Variants in CLIC4 observed in about 807,000 individuals in gnomAD.
CLIC4 encodes the protein chloride intracellular channel protein 4.
In CLIC4, 13 loss-of-function variants were observed where a neutral mutation model predicts 24.6. That is an observed-to-expected ratio of 0.53 (90% CI 0.34 to 0.84). The LOEUF (loss-of-function observed/expected upper bound fraction) is 0.84, where lower values mean the gene tolerates loss of function less well. CLIC4 is among the 40% of genes least tolerant of loss of function. CLIC4 has a pLI of 0.01. For missense variants in CLIC4, 227 were observed against 301.7 expected, an observed-to-expected ratio of 0.75 and a Z score of 1.83; for synonymous variants, 104 against 111.3, an observed-to-expected ratio of 0.93 and a Z score of 0.41.
rs531920441 is a variant in CLIC4, at chr1:24,814,519, A to C, written c.308+300A>C. On this transcript the variant is annotated intron_variant, in intron 3 of 5. Coordinates refer to ENST00000374379, the MANE Select transcript of CLIC4 (RefSeq NM_013943.3). ...ACTGTAGGTCTCAAACTGAGAGAGA[A>C]GTTTAAAGAGGAGAAGGGGTGGGGA... 3.7e-4 allele frequency among the ~76,000 whole-genome samples: 57 copies of C among 152,312 alleles called. No individual in the cohort carries two copies. In the East Asian group the frequency reaches 0.01, roughly 27 times the overall value.
chr1:24,763,839 C>G, intron 1 of CLIC4, among the ~76,000 whole-genome samples: 1 of 152,208 alleles, frequency 6.6e-6, no homozygotes, highest in South Asian at 2.1e-4. Flanking sequence ...TATGACTCTT[C>G]GGTTATCTAT....
intron 1 of CLIC4, among the ~76,000 whole-genome samples, chr1:24,779,340 C>T (rs901776054): frequency 6.6e-6 from 1 of 152,018 alleles, no homozygotes; most frequent in Non-Finnish European, 1.5e-5. Context: ...CATGGTGGTA[C>T]GTGCCTATAG....
At chr1:24,748,503 T>TTTG (rs1553188251) in intron 1 of CLIC4, among the ~76,000 whole-genome samples, 2 of 139,672 alleles carry the variant, frequency 1.4e-5, no homozygotes, top group Non-Finnish European at 3.2e-5. Context: ...TTTTTTGTTT[T>TTTG]TTTTTTTTTT....
intron 1 of CLIC4, among the ~76,000 whole-genome samples, chr1:24,756,282 A>T (rs1273256219): frequency 6.6e-6 from 1 of 152,164 alleles, no homozygotes; most frequent in Non-Finnish European, 1.5e-5. Flanking sequence ...TACAGGCGTG[A>T]GCCACCGCGC....
At chr1:24,771,449 T>C (rs1025339596) in intron 1 of CLIC4, among the ~76,000 whole-genome samples, 1 of 152,170 alleles carries the variant, frequency 6.6e-6, no homozygotes, top group Non-Finnish European at 1.5e-5. Context: ...TATTTTCTTT[T>C]TTCTTCTTTT....
intron 1 of CLIC4, among the ~76,000 whole-genome samples, chr1:24,784,690 A>G (rs1233839834): frequency 6.6e-6 from 1 of 152,222 alleles, no homozygotes; most frequent in Non-Finnish European, 1.5e-5. Context: ...AAGTCTTTGC[A>G]GTATCCTCTG....
At chr1:24,756,360 C>T (rs1226377155) in intron 1 of CLIC4, among the ~76,000 whole-genome samples, 2 of 152,216 alleles carry the variant, frequency 1.3e-5, no homozygotes, top group Non-Finnish European at 2.9e-5. Context: ...CTGAGTTCAA[C>T]ATGCATATAT....
intron 3 of CLIC4, among the ~76,000 whole-genome samples, chr1:24,818,054 T>C (rs985045369): frequency 6.6e-6 from 1 of 152,110 alleles, no homozygotes; most frequent in Non-Finnish European, 1.5e-5. Context: ...TCATAACAGA[T>C]ACAATAATAA....
intron 1 of CLIC4, among the ~76,000 whole-genome samples, chr1:24,785,442 A>G (rs1046409216): frequency 6.6e-6 from 1 of 152,224 alleles, no homozygotes; most frequent in African/African-American, 2.4e-5. Context: ...CAGGATTCAA[A>G]CCTAGGTATG....
intron 1 of CLIC4, among the ~76,000 whole-genome samples, chr1:24,772,573 C>T (rs1430726242): frequency 1.3e-5 from 2 of 152,184 alleles, no homozygotes; most frequent in African/African-American, 4.8e-5. Context: ...GCAGTCTCCG[C>T]CTCCCAGATT....
At chr1:24,831,292 G>GACT (rs1639837670) in intron 4 of CLIC4, among the ~76,000 whole-genome samples, 1 of 151,906 alleles carries the variant, frequency 6.6e-6, no homozygotes, top group African/African-American at 2.4e-5. Context: ...TGACCTCCTG[G>GACT]ACTCAAGCAA....
chr1:24,791,704 T>A (rs193070478), intron 1 of CLIC4, among the ~76,000 whole-genome samples: 1 of 152,182 alleles, frequency 6.6e-6, no homozygotes, highest in East Asian at 1.9e-4. Flanking sequence ...GGTGAAACAC[T>A]GTCTCTAATA....
At chr1:24,759,781 G>A (rs749733581) in intron 1 of CLIC4, among the ~76,000 whole-genome samples, 10 of 151,946 alleles carry the variant, frequency 6.6e-5, no homozygotes, top group Non-Finnish European at 1.3e-4. Context: ...AAACCCCATC[G>A]TTTTGTGTTT....
At chr1:24,793,207 T>G (rs1313341276) in intron 1 of CLIC4, 2 of 151,468 alleles carry the variant, frequency 1.3e-5, no homozygotes, top group Non-Finnish European at 2.9e-5. Context: ...TCAGGCTAAT[T>G]GGAAAGGTAG....
intron 2 of CLIC4, among the ~76,000 whole-genome samples, chr1:24,799,030 C>T (rs1281044433): frequency 1.3e-5 from 2 of 152,226 alleles, no homozygotes; most frequent in Non-Finnish European, 2.9e-5. Context: ...CTTGGCCTCC[C>T]AAAGTGCCGA....
At chr1:24,746,855 G>T (rs1024419473) in intron 1 of CLIC4, among the ~76,000 whole-genome samples, 1 of 152,152 alleles carries the variant, frequency 6.6e-6, no homozygotes, top group Non-Finnish European at 1.5e-5. Context: ...AATTAGCTGG[G>T]AGCGATGTTA....
intron 3 of CLIC4, among the ~76,000 whole-genome samples, chr1:24,820,095 A>G (rs1402942639): frequency 1.0e-5 from 1 of 100,424 alleles, no homozygotes; most frequent in Admixed American, 1.1e-4. Context: ...ATATATATAT[A>G]TAGACAGTAT....
chr1:24,835,528 A>G (rs1639878062), intron 4 of CLIC4, among the ~76,000 whole-genome samples: 3 of 152,196 alleles, frequency 2.0e-5, no homozygotes, highest in Admixed American at 2.0e-4. Context: ...GCACCACTGC[A>G]CTCCAGCCTG....
At position 24,804,853 on chromosome 1, in the gene CLIC4, C is replaced by T. The variant is rs575319796; in HGVS notation, c.182+7002C>T. On this transcript the variant is annotated intron_variant, in intron 2 of 5. Transcript: ENST00000374379. Reference sequence around the variant, plus strand: ...AAGTGGCTCACTCTTGTAATCCCAGCGCTTTGAGAGGCCGGGGCAGGTGAT... The same window carrying T: ...AAGTGGCTCACTCTTGTAATCCCAGTGCTTTGAGAGGCCGGGGCAGGTGAT... Among the ~76,000 whole-genome samples, 23 of 151,942 alleles carry T rather than the reference C, an allele frequency of 1.5e-4. No individual in the cohort carries two copies. The East Asian group carries it at 2.7e-3, about 18-fold the overall frequency.
Sources: gnomAD v4.1 joint callset for allele counts (sites outside exome capture counted in the v4.1 genomes callset) on GRCh38, gnomAD v4.1.1 for gene constraint, MANE v1.5 for transcripts, NCBI Gene and HGNC (gene_info 2026-07-23, HGNC 2026-07-21) for gene names.